The following NCOA3 variants were observed in gnomAD, a reference collection of about 807,000 sequenced individuals.
NCOA3 encodes the protein nuclear receptor coactivator 3, also known as CBP-interacting protein.
Under a neutral mutation model 158.8 loss-of-function variants are expected in NCOA3, and 51 were observed. That is an observed-to-expected ratio of 0.32 (90% CI 0.26 to 0.41). NCOA3 has a LOEUF of 0.41. Among genes scored for constraint, NCOA3 ranks in the 10% least tolerant of loss-of-function variants. NCOA3 has a pLI of 1.00. For missense variants in NCOA3, 1,510 were observed against 1,746.6 expected (o/e 0.86, Z 2.41); for synonymous variants, 537 against 592.4 (o/e 0.91, Z 1.36).
chr20:47,653,524 C>G lies in NCOA3; in HGVS notation c.*107C>G. On this transcript the variant is annotated 3_prime_UTR_variant, in exon 23 of 23. Coordinates refer to ENST00000371998, the MANE Select transcript of NCOA3 (RefSeq NM_181659.3). The stretch of plus-strand genomic sequence containing the variant: ...AGGCATCCATCTTGGAAGAAAGGAC[C>G]AGCTTTGAGCTCCATCAAGGGTATT... The G allele has an allele frequency of 7.7e-7, 1 of 1,290,742 alleles. No homozygotes were observed. The highest frequency in any genetic ancestry group is 1.3e-5 in the South Asian group (1 of 78,360). The allele number at this position is 1,290,742 out of a possible 1,614,324, so 80.0% of individuals were successfully genotyped here. A position where few individuals can be genotyped will look rare whatever the true frequency, so the allele number is the denominator to read the frequency against.
chr20:47,646,023 T>C (rs2086680183), intron 17 of NCOA3, among the ~76,000 whole-genome samples: 1 of 152,160 alleles, frequency 6.6e-6, no homozygotes, highest in African/African-American at 2.4e-5. Flanking sequence ...ATGGTGATGC[T>C]GTGTACCGTC....
chr20:47,650,470 C>T (rs2086764438), intron 19 of NCOA3, among the ~76,000 whole-genome samples: 2 of 151,580 alleles, frequency 1.3e-5, no homozygotes, highest in Non-Finnish European at 1.5e-5. Flanking sequence ...AGGCTGGTCT[C>T]GAACTCCTGA....
chr20:47,525,384 T>C (rs2084412805), intron 1 of NCOA3, among the ~76,000 whole-genome samples: 2 of 150,302 alleles, frequency 1.3e-5, no homozygotes, highest in Admixed American at 1.3e-4. Context: ...TTCCCCACCT[T>C]TCCCCCCTTT....
At chr20:47,580,417 A>G (rs1377899384) in intron 1 of NCOA3, among the ~76,000 whole-genome samples, 10 of 151,860 alleles carry the variant, frequency 6.6e-5, no homozygotes, top group Admixed American at 6.6e-4. Context: ...TTAGCTGGGC[A>G]TGGTGGCATG....
intron 3 of NCOA3, chr20:47,623,005 G>A (rs890660481): frequency 2.6e-5 from 4 of 152,166 alleles, no homozygotes; most frequent in Non-Finnish European, 4.4e-5. Context: ...TGGTCTCAGA[G>A]GCCTGACAGT....
At chr20:47,601,157 A>G (rs931958011) in intron 2 of NCOA3, among the ~76,000 whole-genome samples, 4 of 152,220 alleles carry the variant, frequency 2.6e-5, no homozygotes, top group Non-Finnish European at 4.4e-5. Flanking sequence ...TCGTAACACC[A>G]CGGTGGAGAA....
Position 47,654,093 on chromosome 20 carries a change from C to G in NCOA3, c.*676C>G, listed in dbSNP as rs1456968661. ...ATGAGATGACAGTATTTAATCGCAGCAGTAGCAAACTTTTCACATGCTAAT... is the reference window on the plus strand; with the variant it reads ...ATGAGATGACAGTATTTAATCGCAGGAGTAGCAAACTTTTCACATGCTAAT... On this transcript the variant is annotated 3_prime_UTR_variant, in exon 23 of 23. Transcript: ENST00000371998. The G allele has an allele frequency of 6.5e-6, 1 of 152,718 alleles. No homozygotes were observed. The highest frequency in any genetic ancestry group is 1.9e-4 in the East Asian group (1 of 5,206). The allele number at this position is 152,718 out of a possible 1,614,324, so 9.5% of individuals were successfully genotyped here.
At position 47,651,207 on chromosome 20, in the gene NCOA3, G is replaced by C. The variant is rs376291640; in HGVS notation, c.3877G>C (p.Asp1293His). ...TAATGTGACTGCTTCCCCCAGCATG[G>C]ATGGGCTTTTGGCAGGACCCACAAT... ...PPNVTASPSM[D>H]GLLAGPTMPQ... Residue 1293 changes from aspartate (D) to histidine (H), a missense_variant, in exon 20 of 23, where the codon GAT (aspartate) becomes CAT (histidine). Asp to His is a moderately conservative substitution (Grantham distance 81). Transcript: ENST00000371998. The C allele has an allele frequency of 6.2e-7, 1 of 1,613,906 alleles. No homozygotes were observed. Among genetic ancestry groups the C allele is most frequent in the African/African-American group, 1.3e-5 (1 of 74,884 alleles).
At chr20:47,625,246 T>C in intron 4 of NCOA3, 135 bp from the exon 5 acceptor site, 1 of 611,240 alleles carries the variant, frequency 1.6e-6, no homozygotes. Context: ...CATCATTCTC[T>C]TATGAGGAAA....
chr20:47,521,494 A>G (rs867294692), intron 1 of NCOA3, among the ~76,000 whole-genome samples: 16 of 152,146 alleles, frequency 1.1e-4, no homozygotes, highest in Middle Eastern at 3.4e-3. Flanking sequence ...TCGTTCCCCT[A>G]TTGGCTAGGG....
chr20:47,609,862 C>T (rs1191119460), intron 2 of NCOA3, among the ~76,000 whole-genome samples: 4 of 151,352 alleles, frequency 2.6e-5, no homozygotes, highest in African/African-American at 7.3e-5. Flanking sequence ...TGTACTTCTC[C>T]TCCTCTTTGC....
chr20:47,532,655 T>G (rs2084565358), intron 1 of NCOA3, among the ~76,000 whole-genome samples: 1 of 152,060 alleles, frequency 6.6e-6, no homozygotes, highest in Non-Finnish European at 1.5e-5. Flanking sequence ...TTTTTTTTCT[T>G]GTAGAGACAG....
rs995004804 is a variant in NCOA3, at chr20:47,647,447, G to A, written c.3546+81G>A. On this transcript the variant is annotated intron_variant, in intron 18 of 22. Coordinates refer to ENST00000371998, the MANE Select transcript of NCOA3 (RefSeq NM_181659.3). ...GTTTCTCAGTGTTCTTACCACTGGT[G>A]CAATCTATCCCTGTCAACTAAAGAA... The A allele has an allele frequency of 2.3e-6, 3 of 1,304,096 alleles. No homozygotes were observed. The African/African-American group carries it at 4.4e-5, about 19-fold the overall frequency. The allele number at this position is 1,304,096 out of a possible 1,614,324, so 80.8% of individuals were successfully genotyped here. A position where few individuals can be genotyped will look rare whatever the true frequency, so the allele number is the denominator to read the frequency against.
intron 2 of NCOA3, among the ~76,000 whole-genome samples, chr20:47,605,115 C>G (rs1229383133): frequency 6.6e-6 from 1 of 152,268 alleles, no homozygotes; most frequent in Non-Finnish European, 1.5e-5. Context: ...ATCCGCCCGC[C>G]TTGGCCTCCC....
chr20:47,622,423 A>G, intron 3 of NCOA3, 93 bp downstream of exon 3: 5 of 866,734 alleles, frequency 5.8e-6, no homozygotes, highest in Non-Finnish European at 8.8e-6. Context: ...TTCTCTGGTT[A>G]GATTTTTTGG....
At chr20:47,504,478 CT>C (rs58220390) in intron 1 of NCOA3, among the ~76,000 whole-genome samples, 40,653 of 98,332 alleles carry the variant, frequency 0.41, 7,995 homozygotes, top group Non-Finnish European at 0.49. Flanking sequence ...CTAAGTGTGT[CT>C]TTTTTTTTTT....
intron 1 of NCOA3, among the ~76,000 whole-genome samples, chr20:47,569,407 C>T (rs117499185): frequency 0.068 from 10,363 of 152,014 alleles, 456 homozygotes; most frequent in Non-Finnish European, 0.097. Flanking sequence ...AGGCTGGATG[C>T]GGTGGCTCAT....
At chr20:47,553,310 C>T (rs1361869841) in intron 1 of NCOA3, among the ~76,000 whole-genome samples, 2 of 152,086 alleles carry the variant, frequency 1.3e-5, no homozygotes, top group African/African-American at 2.4e-5. Context: ...AATTGGTTCT[C>T]CTAAAGCATT....
intron 8 of NCOA3, among the ~76,000 whole-genome samples, chr20:47,631,996 A>C (rs1363006505): frequency 6.6e-6 from 1 of 152,136 alleles, no homozygotes; most frequent in Non-Finnish European, 1.5e-5. Context: ...TAGTTTGGAC[A>C]GTTTCTACCT....
Sources: gnomAD v4.1 joint callset for allele counts (sites outside exome capture counted in the v4.1 genomes callset) on GRCh38, gnomAD v4.1.1 for gene constraint, MANE v1.5 for transcripts, NCBI Gene and HGNC (gene_info 2026-07-23, HGNC 2026-07-21) for gene names.